The following RYR2 variants were observed in gnomAD, a reference collection of about 807,000 sequenced individuals.
The protein encoded by RYR2 is cardiac muscle ryanodine receptor-calcium release channel.
Under a neutral mutation model 601.1 loss-of-function variants are expected in RYR2, and 227 were observed. The observed-to-expected ratio is 0.38, with a 90% CI of 0.34 to 0.42. The LOEUF (loss-of-function observed/expected upper bound fraction) is 0.42, where lower values mean the gene tolerates loss of function less well. Among genes scored for constraint, RYR2 ranks in the 10% least tolerant of loss-of-function variants. RYR2 has a pLI of 1.00. For missense variants in RYR2, 4,646 were observed against 6,156.5 expected, an observed-to-expected ratio of 0.75 and a Z score of 8.21; for synonymous variants, 2,223 against 2,175.1, an observed-to-expected ratio of 1.02 and a Z score of -0.61.
chr1:237,760,986 A>T lies in RYR2; in HGVS notation c.11434A>T (p.Asn3812Tyr). Residue 3812 changes from asparagine (N) to tyrosine (Y), a missense_variant, in exon 84 of 105, where the codon AAC becomes TAC. Physicochemically the swap from Asn to Tyr is moderately radical, Grantham distance 143. This residue lies in a region of RYR2 where 1,497 missense variants were observed against 1,842.6 expected (regional missense o/e 0.81). Transcript: ENST00000366574. The stretch of plus-strand genomic sequence containing the variant: ...TGACCTAAATGCATTTGAGCGACAA[A>T]ACAAAGCTGAAGGTCTTGGGATGGT... Reference protein sequence around the residue: ...VLDLNAFERQNKAEGLGMVTE... With the variant: ...VLDLNAFERQYKAEGLGMVTE... 1 of 1,579,776 alleles carries T rather than the reference A, an allele frequency of 6.3e-7. No individual in the cohort carries two copies. The highest frequency in any genetic ancestry group is 1.2e-5 in the South Asian group (1 of 86,028).
Position 237,808,013 on chromosome 1 carries a change from A to G in RYR2, c.14299-888A>G, listed in dbSNP as rs373169407. Among the ~76,000 whole-genome samples, 56 of 152,322 alleles carry G rather than the reference A, an allele frequency of 3.7e-4. No homozygotes were observed. The East Asian group carries it at 4.4e-3, about 12-fold the overall frequency. On this transcript the variant is annotated intron_variant, in intron 99 of 104. Transcript: ENST00000366574. ...TACTCTACAATTCTATCATATACTT[A>G]TAGCTATCCAAAAATTAAAGTATAA...
chr1:237,240,665 C>CAAAAAAAAAAAAAAA (rs35984919), intron 1 of RYR2, among the ~76,000 whole-genome samples: 12 of 55,128 alleles, frequency 2.2e-4, no homozygotes, highest in Non-Finnish European at 3.3e-4. Flanking sequence ...CTATAAAAGC[C>CAAAAAAAAAAAAAAA]AAAAAAAAAA....
At chr1:237,145,184 C>T (rs887845926) in intron 1 of RYR2, among the ~76,000 whole-genome samples, 3 of 150,236 alleles carry the variant, frequency 2.0e-5, no homozygotes, top group African/African-American at 7.4e-5. Context: ...CAAACCTGCA[C>T]GTTTTGCACA....
chr1:237,455,421 G>T (rs532734567), intron 15 of RYR2, among the ~76,000 whole-genome samples: 1 of 152,152 alleles, frequency 6.6e-6, no homozygotes, highest in East Asian at 1.9e-4. Context: ...CTACTTGAGG[G>T]TGGAGGGTGG....
At chr1:237,469,769 A>G (rs1320488573) in intron 17 of RYR2, among the ~76,000 whole-genome samples, 1 of 152,210 alleles carries the variant, frequency 6.6e-6, no homozygotes, top group Non-Finnish European at 1.5e-5. Flanking sequence ...CCTAGAGTGT[A>G]ATATTTTATT....
At chr1:237,634,842 G>A (rs1297489691) in intron 43 of RYR2, 47 bp from the exon 44 acceptor site, 2 of 1,435,300 alleles carry the variant, frequency 1.4e-6, no homozygotes, top group Admixed American at 2.0e-5. Context: ...GGAGTTTATA[G>A]TTACAGCACG....
intron 10 of RYR2, among the ~76,000 whole-genome samples, chr1:237,392,769 C>T (rs540891592): frequency 6.6e-6 from 1 of 151,994 alleles, no homozygotes; most frequent in Non-Finnish European, 1.5e-5. Flanking sequence ...TTATTTGGGG[C>T]CTTTAGTTTG....
At chr1:237,056,172 C>A (rs1319210131) in intron 1 of RYR2, among the ~76,000 whole-genome samples, 1 of 131,874 alleles carries the variant, frequency 7.6e-6, no homozygotes, top group African/African-American at 2.9e-5. Context: ...GACTATACCT[C>A]TGAGGATTGG....
intron 1 of RYR2, among the ~76,000 whole-genome samples, chr1:237,046,502 A>G (rs1246923620): frequency 1.3e-5 from 2 of 152,210 alleles, no homozygotes; most frequent in East Asian, 3.8e-4. Flanking sequence ...GAGGAGCTTT[A>G]GATAGATATG....
rs775408548 is a variant in RYR2 at position 237,798,088 on chromosome 1, C to G, written c.14008C>G (p.Leu4670Val). The G allele has an allele frequency of 6.2e-6, 10 of 1,611,662 alleles. No individual in the cohort carries two copies. The highest frequency in any genetic ancestry group is 7.6e-6 in the Non-Finnish European group (9 of 1,178,684). Residue 4670 changes from leucine to valine, a missense_variant, in exon 97 of 105, where the codon CTT becomes GTT. By Grantham distance (32) the Leu-to-Val change is conservative. Coordinates refer to ENST00000366574, the MANE Select transcript of RYR2 (RefSeq NM_001035.3). ...FYGRDRISEL[L>V]GMDKAALDFS... is the part of the protein sequence containing the mutation. ...CGGCCGAGACAGAATCAGTGAATTA[C>G]TTGGCATGGACAAGGCAGCTCTGGA...
chr1:237,554,211 A>T (rs2805460), intron 27 of RYR2, among the ~76,000 whole-genome samples: 136,113 of 151,876 alleles, frequency 0.9, 61,949 homozygotes, highest in East Asian at 0.97. Context: ...AAATAGGGTC[A>T]TGAATTTTGT....
chr1:237,717,183 C>T lies in RYR2; in HGVS notation c.10324-15C>T. ...AAAGCAGGTTCAGATCCCAGCACTT[C>T]TCTTTGTTCCATAGGCAGCTGTTTC... On this transcript the variant is annotated splice_polypyrimidine_tract_variant and intron_variant, in intron 71 of 104. Transcript: ENST00000366574. 6.2e-7 allele frequency: 1 copy of T among 1,612,164 alleles called. No homozygotes were observed. Among genetic ancestry groups the T allele is most frequent in the Non-Finnish European group, 8.5e-7 (1 of 1,178,886 alleles).
At chr1:237,264,630 A>G (rs1688858781) in intron 1 of RYR2, among the ~76,000 whole-genome samples, 1 of 152,004 alleles carries the variant, frequency 6.6e-6, no homozygotes, top group South Asian at 2.1e-4. Context: ...TATACCTGAC[A>G]TTATGCTAGA....
At chr1:237,363,097 AT>A (rs1253335212) in intron 4 of RYR2, among the ~76,000 whole-genome samples, 2 of 151,902 alleles carry the variant, frequency 1.3e-5, no homozygotes, top group Admixed American at 6.6e-5. Context: ...AAAAAAAAAA[AT>A]CTCATGAAGA....
At chr1:237,459,231 C>T (rs1659190810) in intron 16 of RYR2, among the ~76,000 whole-genome samples, 1 of 152,132 alleles carries the variant, frequency 6.6e-6, no homozygotes, top group South Asian at 2.1e-4. Flanking sequence ...AAACTCGATG[C>T]TTAAGTAAAG....
chr1:237,271,453 A>G (rs189477155), intron 2 of RYR2, among the ~76,000 whole-genome samples: 137 of 152,280 alleles, frequency 9.0e-4, no homozygotes, highest in African/African-American at 3.2e-3. Context: ...GTGGATATTT[A>G]CTGTATGTTC....
chr1:237,647,884 T>C (rs1682340561), intron 48 of RYR2, among the ~76,000 whole-genome samples: 1 of 152,198 alleles, frequency 6.6e-6, no homozygotes, highest in Non-Finnish European at 1.5e-5. Flanking sequence ...AAGCTTTAAG[T>C]GTTGATAGAG....
At chr1:237,649,799 T>C in intron 49 of RYR2, 78 bp from the exon 50 acceptor site, 1 of 1,184,778 alleles carries the variant, frequency 8.4e-7, no homozygotes, top group East Asian at 2.4e-5. Flanking sequence ...AGTGAAATTG[T>C]ATGTCCCCAT....
rs1245518147 is a variant in RYR2 at position 237,651,393 on chromosome 1, T to G, written c.7734-18T>G. Reference sequence around the variant, plus strand: ...GAAACATTTCTTGGCATTATGAACATTAGCTTTGTTCCAACAGACAACTGA... The same window carrying G: ...GAAACATTTCTTGGCATTATGAACAGTAGCTTTGTTCCAACAGACAACTGA... On this transcript the variant is annotated intron_variant, in intron 50 of 104. Coordinates refer to ENST00000366574, the MANE Select transcript of RYR2 (RefSeq NM_001035.3). The G allele has an allele frequency of 1.9e-6, 3 of 1,538,690 alleles. No homozygotes were observed. The highest frequency in any genetic ancestry group is 2.7e-6 in the Non-Finnish European group (3 of 1,123,394).
Sources: allele counts gnomAD v4.1 joint callset (sites outside exome capture counted in the v4.1 genomes callset), GRCh38; gene constraint gnomAD v4.1.1; regional missense constraint gnomAD v4.1.1; transcripts MANE v1.5; gene names NCBI Gene and HGNC (gene_info 2026-07-23, HGNC 2026-07-21).